Variants in DCAF16 observed in about 807,000 individuals in gnomAD.
The protein encoded by DCAF16 is DDB1 and CUL4 associated factor 16.
In DCAF16, 10 loss-of-function variants were observed where a neutral mutation model predicts 17.3. The ratio of observed to expected loss-of-function variants is 0.58; its 90% CI spans 0.36 to 0.98. The LOEUF is 0.98. DCAF16 is among the 50% of genes least tolerant of loss of function. The probability of loss-of-function intolerance (pLI) is 0.01; values close to 1 mark genes in which losing one functional copy is unlikely to be tolerated. For missense variants in DCAF16, 249 were observed against 247.6 expected, an observed-to-expected ratio of 1.01 and a Z score of -0.04; for synonymous variants, 111 against 92.8, an observed-to-expected ratio of 1.20 and a Z score of -1.12.
rs2109021161 is a variant in DCAF16 at position 17,804,087 on chromosome 4, C to T, written c.55G>A (p.Glu19Lys). ...TCATTTAGGTAACTAATATTTTCTT[C>T]TTCCTCACTTTCTGATTCTGACAAG... is the stretch of plus-strand genomic sequence containing the variant. ...DHLSESESEE[E>K]ENISYLNESS... Residue 19 changes from glutamate (E) to lysine (K), a missense_variant, in exon 3 of 3, where the codon GAA (glutamate) becomes AAA (lysine). Physicochemically the swap from Glu to Lys is moderately conservative, Grantham distance 56. Coordinates refer to ENST00000382247, the MANE Select transcript of DCAF16 (RefSeq NM_017741.4). 1.2e-6 allele frequency: 2 copies of T among 1,614,136 alleles called. No homozygotes were observed. Among genetic ancestry groups the T allele is most frequent in the East Asian group, 2.2e-5 (1 of 44,884 alleles).
downstream of DCAF16, among the ~76,000 whole-genome samples, chr4:17,796,762 A>C (rs1719448876): frequency 6.6e-6 from 1 of 152,170 alleles, no homozygotes; most frequent in African/African-American, 2.4e-5. Flanking sequence ...CATTTAAAAA[A>C]TTTGTGTTTG....
At position 17,804,119 on chromosome 4, in the gene DCAF16, G is replaced by A. The variant is rs1366020480; in HGVS notation, c.23C>T (p.Pro8Leu). The change falls in exon 3 of 3, where the codon CCT (proline) becomes CTT (leucine). Residue 8 changes from proline (P) to leucine (L), a missense_variant. Pro to Leu is a moderately conservative substitution (Grantham distance 98). Transcript: ENST00000382247. MGPRNPS[P>L]DHLSESESEE... ...ACTTTCTGATTCTGACAAGTGGTCA[G>A]GAGAGGGATTTCTAGGACCCATCAG... is the stretch of plus-strand genomic sequence containing the variant. 4 of 1,613,758 alleles carry A rather than the reference G, an allele frequency of 2.5e-6. No individual in the cohort carries two copies. The highest frequency in any genetic ancestry group is 2.5e-6 in the Non-Finnish European group (3 of 1,179,890).
At position 17,803,307 on chromosome 4, in the gene DCAF16, G is replaced by A. The variant is rs1178059800; in HGVS notation, c.*184C>T. Reference sequence around the variant, plus strand: ...CCCAAAGTGCTGGGATTACAGGTGTGAGCCACCATGCCTGACCTTGATATT... The same window carrying A: ...CCCAAAGTGCTGGGATTACAGGTGTAAGCCACCATGCCTGACCTTGATATT... On this transcript the variant is annotated 3_prime_UTR_variant, in exon 3 of 3. Coordinates refer to ENST00000382247, the MANE Select transcript of DCAF16 (RefSeq NM_017741.4). The A allele has an allele frequency of 1.1e-5, 7 of 617,350 alleles. No individual in the cohort carries two copies. Among genetic ancestry groups the A allele is most frequent in the Non-Finnish European group, 2.0e-5 (7 of 355,950 alleles). 38.2% of individuals were successfully genotyped at this position (617,350 alleles called of 1,614,324 possible).
chr4:17,796,377 C>T (rs1416287536), downstream of DCAF16, among the ~76,000 whole-genome samples: 1 of 151,952 alleles, frequency 6.6e-6, no homozygotes, highest in Non-Finnish European at 1.5e-5. Flanking sequence ...GATATACTTT[C>T]CCTTCATGGT....
In DCAF16 at chr4:17,810,738, C is replaced by A. The variant is rs1455141063; in HGVS notation, c.-1041G>T. On this transcript the variant is annotated 5_prime_UTR_variant, in exon 1 of 3. Coordinates refer to ENST00000382247, the MANE Select transcript of DCAF16 (RefSeq NM_017741.4). ...GGTGGCAAGGCCACTCCGCTCAGCT[C>A]CCGCGCCGACGCTACTTCCGGCCGA... The A allele has an allele frequency of 9.4e-6, 2 of 212,032 alleles. No individual in the cohort carries two copies. Among genetic ancestry groups the A allele is most frequent in the East Asian group, 2.0e-4 (2 of 10,208 alleles). The allele number at this position is 212,032 out of a possible 1,614,324, so 13.1% of individuals were successfully genotyped here.
At chr4:17,808,785 T>A (rs1227226645) in intron 1 of DCAF16, among the ~76,000 whole-genome samples, 1 of 152,136 alleles carries the variant, frequency 6.6e-6, no homozygotes, top group Admixed American at 6.5e-5. Context: ...TCCCAACAGT[T>A]TGGGAGGCAA....
intron 1 of DCAF16, among the ~76,000 whole-genome samples, chr4:17,806,696 A>C (rs1343717365): frequency 6.6e-6 from 1 of 152,222 alleles, no homozygotes; most frequent in Non-Finnish European, 1.5e-5. Context: ...CTTAAAGTTT[A>C]TATAGAAAGA....
Position 17,803,909 on chromosome 4 carries a change from G to A in DCAF16, c.233C>T (p.Ala78Val). The A allele has an allele frequency of 6.2e-7, 1 of 1,614,136 alleles. No homozygotes were observed. The highest frequency in any genetic ancestry group is 8.5e-7 in the Non-Finnish European group (1 of 1,180,044). Residue 78 changes from alanine (A) to valine (V), a missense_variant, in exon 3 of 3, where the codon GCT becomes GTT. Transcript: ENST00000382247. ...TGGTGTGCTTGGATCCAACAGTTTA[G>A]CATGATACAACCAGGAATTAGGATT... is the stretch of plus-strand genomic sequence containing the variant. ...PLNPNSWLYH[A>V]KLLDPSTPVH...
chr4:17,804,690 A>T lies in DCAF16; in HGVS notation c.-549T>A, dbSNP rs1468593288. ...TGTATAAGGATCCGATGCTTTCCATAGGTGATGCAAATGCCCTTGGAAACT... is the reference window on the plus strand; with the variant it reads ...TGTATAAGGATCCGATGCTTTCCATTGGTGATGCAAATGCCCTTGGAAACT... On this transcript the variant is annotated 5_prime_UTR_variant, in exon 3 of 3. Coordinates refer to ENST00000382247, the MANE Select transcript of DCAF16 (RefSeq NM_017741.4). 1 of 169,480 alleles carries T rather than the reference A, an allele frequency of 5.9e-6. No homozygotes were observed. Among genetic ancestry groups the T allele is most frequent in the African/African-American group, 2.4e-5 (1 of 41,462 alleles). The allele number at this position is 169,480 out of a possible 1,614,324, so 10.5% of individuals were successfully genotyped here. A position where few individuals can be genotyped will look rare whatever the true frequency, so the allele number is the denominator to read the frequency against.
At position 17,803,468 on chromosome 4, in the gene DCAF16, A is replaced by AT. The variant is rs1341808831; in HGVS notation, c.*22dup. On this transcript the variant is annotated 3_prime_UTR_variant, in exon 3 of 3. Coordinates refer to ENST00000382247, the MANE Select transcript of DCAF16 (RefSeq NM_017741.4). ...ACTTTCTCAATTAGCAACATCAGAG[A>AT]TATCAGAGCAAATGGTAGATCTTTA... 3 of 1,599,432 alleles carry AT rather than the reference A, an allele frequency of 1.9e-6. No individual in the cohort carries two copies. Among genetic ancestry groups the AT allele is most frequent in the Non-Finnish European group, 2.6e-6 (3 of 1,169,456 alleles).
the DCAF16 span, among the ~76,000 whole-genome samples, chr4:17,793,989 TAAAC>T: frequency 6.6e-6 from 1 of 151,740 alleles, no homozygotes; most frequent in African/African-American, 2.4e-5. Flanking sequence ...AATATTAACA[TAAAC>T]AAAGCAAAGA....
downstream of DCAF16, among the ~76,000 whole-genome samples, chr4:17,795,897 C>T (rs1169182175): frequency 6.6e-6 from 1 of 152,144 alleles, no homozygotes; most frequent in African/African-American, 2.4e-5. Context: ...TGTTTTTTTA[C>T]TGCTTGTCTT....
chr4:17,798,310 C>CTTTTTTTTTTTTT (rs61478198), downstream of DCAF16, among the ~76,000 whole-genome samples: 2 of 131,278 alleles, frequency 1.5e-5, no homozygotes, highest in Non-Finnish European at 1.6e-5. Flanking sequence ...TGTTATTTTC[C>CTTTTTTTTTTTTT]TTTTTTTTTT....
At chr4:17,806,985 CTG>C (rs1720387892) in intron 1 of DCAF16, among the ~76,000 whole-genome samples, 3 of 151,610 alleles carry the variant, frequency 2.0e-5, no homozygotes, top group African/African-American at 7.3e-5. Context: ...AAAAGTAAAA[CTG>C]TATTGGAATA....
At chr4:17,805,427 T>A (rs1382420967) in intron 1 of DCAF16, among the ~76,000 whole-genome samples, 2 of 151,928 alleles carry the variant, frequency 1.3e-5, no homozygotes, top group African/African-American at 4.8e-5. Context: ...CCCAGGAAAG[T>A]AAGAATAGCT....
In DCAF16 at chr4:17,802,991, C is replaced by A. The variant is rs1297239944; in HGVS notation, c.*500G>T. Reference sequence around the variant, plus strand: ...GTGAGAAGTGAGTGTGAAGAATATTCAACTATCTTTTGTAATATGGTCCCC... The same window carrying A: ...GTGAGAAGTGAGTGTGAAGAATATTAAACTATCTTTTGTAATATGGTCCCC... On this transcript the variant is annotated 3_prime_UTR_variant, in exon 3 of 3. Transcript: ENST00000382247. The A allele has an allele frequency of 6.5e-6, 1 of 154,126 alleles. No homozygotes were observed. Among genetic ancestry groups the A allele is most frequent in the African/African-American group, 2.4e-5 (1 of 41,164 alleles). The allele number at this position is 154,126 out of a possible 1,614,324, so 9.5% of individuals were successfully genotyped here.
downstream of DCAF16, among the ~76,000 whole-genome samples, chr4:17,798,226 G>C (rs959878693): frequency 4.6e-5 from 7 of 151,504 alleles, no homozygotes; most frequent in Non-Finnish European, 7.4e-5. Flanking sequence ...GATTCAACTT[G>C]AAACTGTTGC....
At chr4:17,799,913 G>T (rs1273230300), downstream of DCAF16, among the ~76,000 whole-genome samples, 1 of 152,150 alleles carries the variant, frequency 6.6e-6, no homozygotes, top group African/African-American at 2.4e-5. Flanking sequence ...ACTTTGGGAG[G>T]CTGAGGTGGG....
rs1258883241 is a variant in DCAF16 at position 17,802,644 on chromosome 4, A to G, written c.*847T>C. ...CCCAGTTTAATTCAACTACCTCAAA[A>G]AAAAAAAAAAAGAAAAAATAAAAGG... On this transcript the variant is annotated 3_prime_UTR_variant, in exon 3 of 3. Coordinates refer to ENST00000382247, the MANE Select transcript of DCAF16 (RefSeq NM_017741.4). The G allele has an allele frequency of 6.6e-6, 1 of 151,380 alleles. No homozygotes were observed. The highest frequency in any genetic ancestry group is 2.4e-5 in the African/African-American group (1 of 41,226). The allele number at this position is 151,380 out of a possible 1,614,324, so 9.4% of individuals were successfully genotyped here.
Sources: gnomAD v4.1 joint callset for allele counts (sites outside exome capture counted in the v4.1 genomes callset) on GRCh38, gnomAD v4.1.1 for gene constraint, MANE v1.5 for transcripts, NCBI Gene and HGNC (gene_info 2026-07-23, HGNC 2026-07-21) for gene names.